EML1: variants seen among roughly 807,000 people sequenced by gnomAD.
EML1 encodes the protein EMAP like 1.
EML1 carries 27 observed loss-of-function variants against 110.4 expected under a neutral mutation model. The observed-to-expected ratio is 0.24, with a 90% CI of 0.18 to 0.34. EML1 has a LOEUF of 0.34. Among genes scored for constraint, EML1 ranks in the 10% least tolerant of loss-of-function variants. EML1 has a pLI of 1.00. For synonymous variants in EML1, 344 were observed against 385.8 expected (o/e 0.89, Z 1.27); for missense variants, 741 against 1,030.9 (o/e 0.72, Z 3.85).
chr14:99,910,134 G>T, intron 11 of EML1, 108 bp from the exon 12 acceptor site: 1 of 759,262 alleles, frequency 1.3e-6, no homozygotes, highest in Non-Finnish European at 2.0e-6. Context: ...TATCCAGCTT[G>T]GGACCACTGC....
At chr14:99,788,347 C>T (rs1050115137) in intron 1 of EML1, among the ~76,000 whole-genome samples, 1 of 152,186 alleles carries the variant, frequency 6.6e-6, no homozygotes, top group African/African-American at 2.4e-5. Context: ...CATGTAGGTA[C>T]ATTGTAAGTA....
At chr14:99,881,851 G>A (rs1430200143) in intron 4 of EML1, among the ~76,000 whole-genome samples, 2 of 151,982 alleles carry the variant, frequency 1.3e-5, no homozygotes, top group East Asian at 3.9e-4. Flanking sequence ...CGCCCACCTC[G>A]GCCTCCCAAA....
At chr14:99,899,771 C>T (rs17652949) in intron 8 of EML1, among the ~76,000 whole-genome samples, 36,766 of 151,138 alleles carry the variant, frequency 0.24, 5,392 homozygotes, top group Non-Finnish European at 0.33. Context: ...TAGTGGTAAG[C>T]TATTTGTTCC....
chr14:99,826,322 A>G (rs940342156), intron 1 of EML1, among the ~76,000 whole-genome samples: 7 of 152,152 alleles, frequency 4.6e-5, no homozygotes, highest in Non-Finnish European at 1.0e-4. Context: ...CATGTTGGCC[A>G]GGCTGGTTTC....
chr14:99,918,917 C>G (rs988931828), intron 16 of EML1, among the ~76,000 whole-genome samples: 1 of 152,204 alleles, frequency 6.6e-6, no homozygotes, highest in Non-Finnish European at 1.5e-5. Flanking sequence ...TGAGTTAATA[C>G]CTATTCACCT....
intron 16 of EML1, among the ~76,000 whole-genome samples, chr14:99,919,425 G>GACACACACACAGACAC (rs1555404814): frequency 0.096 from 9,314 of 97,240 alleles, 314 homozygotes; most frequent in Middle Eastern, 0.13. Flanking sequence ...CATGCACACA[G>GACACACACACAGACAC]ACACACACAC....
At chr14:99,755,282 C>A (rs1241972395) in intron 1 of EML1, among the ~76,000 whole-genome samples, 1 of 152,210 alleles carries the variant, frequency 6.6e-6, no homozygotes, top group Non-Finnish European at 1.5e-5. Context: ...CCTTGGGGGC[C>A]TGGAGGCCCC....
At chr14:99,830,108 C>T (rs1245603029) in intron 1 of EML1, among the ~76,000 whole-genome samples, 1 of 152,208 alleles carries the variant, frequency 6.6e-6, no homozygotes, top group African/African-American at 2.4e-5. Context: ...TACATTCCTA[C>T]CAGCAGTGCA....
intron 11 of EML1, 83 bp from the exon 12 acceptor site, chr14:99,910,159 T>C (rs2059923118): frequency 9.9e-7 from 1 of 1,010,190 alleles, no homozygotes; most frequent in Admixed American, 2.6e-5. Context: ...CTAGATGTTA[T>C]TAGTACAAAT....
chr14:99,786,061 CAA>C (rs56240053), intron 1 of EML1, among the ~76,000 whole-genome samples: 9,443 of 120,026 alleles, frequency 0.079, 338 homozygotes, highest in African/African-American at 0.14. Flanking sequence ...CCTGGCTGCT[CAA>C]AAAAAAAAAA....
At chr14:99,807,117 G>A (rs1315489036) in intron 1 of EML1, among the ~76,000 whole-genome samples, 4 of 152,154 alleles carry the variant, frequency 2.6e-5, no homozygotes, top group African/African-American at 7.2e-5. Context: ...AAAGAGACAA[G>A]CAGGCACAGG....
At chr14:99,761,027 C>T (rs976950066) in intron 1 of EML1, among the ~76,000 whole-genome samples, 2 of 152,082 alleles carry the variant, frequency 1.3e-5, no homozygotes, top group East Asian at 1.9e-4. Context: ...AACCAAGGCT[C>T]GTAAAGTGTT....
At position 99,850,897 on chromosome 14, in the gene EML1, A is replaced by G. The variant is rs376349469; in HGVS notation, c.112A>G (p.Ile38Val). ...AASSMEVTDR[I>V]ASLEQRVQMQ... is the part of the protein sequence containing the mutation. ...AAGTAGCATGGAGGTGACAGACCGC[A>G]TTGCTTCACTGGAGCAGAGAGTCCA... Residue 38 changes from isoleucine to valine, a missense_variant, in exon 2 of 22, where the codon ATT (isoleucine) becomes GTT (valine). Transcript: ENST00000262233. The G allele has an allele frequency of 1.9e-6, 3 of 1,614,040 alleles. No homozygotes were observed. Among genetic ancestry groups the G allele is most frequent in the African/African-American group, 2.7e-5 (2 of 74,904 alleles).
rs117583085 is a variant in EML1, at chr14:99,748,496, C to T, written c.28+10636C>T. Among the ~76,000 whole-genome samples, 151 of 151,878 alleles carry T rather than the reference C, an allele frequency of 9.9e-4. No homozygotes were observed. In the East Asian group the frequency reaches 0.026, roughly 26 times the overall value. ...ATAATTCACACATTTAGACCCAGCGCAGTGACTCACACCTGCAATCCCAGC... is the reference window on the plus strand; with the variant it reads ...ATAATTCACACATTTAGACCCAGCGTAGTGACTCACACCTGCAATCCCAGC... On this transcript the variant is annotated intron_variant, in intron 1 of 10. Coordinates refer to the EML1 transcript ENST00000554479.
intron 3 of EML1, among the ~76,000 whole-genome samples, chr14:99,875,588 A>G (rs988782054): frequency 6.6e-6 from 1 of 152,148 alleles, no homozygotes; most frequent in African/African-American, 2.4e-5. Context: ...TGAACTTGCC[A>G]TGAACTCCCA....
upstream of EML1, among the ~76,000 whole-genome samples, chr14:99,792,198 G>A (rs2057683007): frequency 6.6e-6 from 1 of 152,182 alleles, no homozygotes; most frequent in Non-Finnish European, 1.5e-5. Flanking sequence ...ACAGGCCTCT[G>A]AGCCCAAGCG....
intron 1 of EML1, among the ~76,000 whole-genome samples, chr14:99,782,552 C>G (rs1353232614): frequency 6.6e-6 from 1 of 152,162 alleles, no homozygotes; most frequent in Admixed American, 6.5e-5. Flanking sequence ...AGGGTCAGTT[C>G]TCAGCAATTG....
chr14:99,900,369 TAG>T (rs2059743575), intron 8 of EML1, among the ~76,000 whole-genome samples: 1 of 151,994 alleles, frequency 6.6e-6, no homozygotes, highest in African/African-American at 2.4e-5. Flanking sequence ...TTGTATTTTG[TAG>T]AGACAGGGTT....
intron 1 of EML1, among the ~76,000 whole-genome samples, chr14:99,748,960 G>A (rs1224153902): frequency 2.6e-5 from 4 of 152,102 alleles, no homozygotes; most frequent in Non-Finnish European, 5.9e-5. Context: ...AACATTTTTG[G>A]GTTCATTCGT....
Sources: allele counts gnomAD v4.1 joint callset (sites outside exome capture counted in the v4.1 genomes callset), GRCh38; gene constraint gnomAD v4.1.1; transcripts MANE v1.5; gene names NCBI Gene and HGNC (gene_info 2026-07-23, HGNC 2026-07-21).